The following NKAIN3 variants were observed in gnomAD, a reference collection of about 807,000 sequenced individuals.
NKAIN3 encodes the protein sodium/potassium transporting ATPase interacting 3, also known as sodium/potassium-transporting ATPase subunit beta-1-interacting protein 3.
Under a neutral mutation model 30.2 loss-of-function variants are expected in NKAIN3, and 25 were observed. That is an observed-to-expected ratio of 0.83 (90% CI 0.60 to 1.16). NKAIN3 has a LOEUF of 1.16. NKAIN3 is among the 50% of genes most tolerant of loss of function. The pLI, the probability that NKAIN3 is intolerant of heterozygous loss-of-function variation, is 0.00. For missense variants in NKAIN3, 225 were observed against 254.1 expected (o/e 0.89, Z 0.78); for synonymous variants, 91 against 89.6 (o/e 1.02, Z -0.09).
At chr8:62,283,274 G>A (rs958548790) in intron 1 of NKAIN3, among the ~76,000 whole-genome samples, 8 of 96,416 alleles carry the variant, frequency 8.3e-5, no homozygotes, top group African/African-American at 3.6e-4. Context: ...CTGCTCTTAC[G>A]TGGCTATTTT....
chr8:62,632,283 T>C (rs796304318), intron 3 of NKAIN3, among the ~76,000 whole-genome samples: 57 of 152,318 alleles, frequency 3.7e-4, no homozygotes, highest in African/African-American at 1.2e-3. Flanking sequence ...ATGAAATTTT[T>C]GTGTCTTCAA....
intron 4 of NKAIN3, among the ~76,000 whole-genome samples, chr8:62,768,648 T>C (rs759273625): frequency 2.0e-5 from 3 of 152,204 alleles, no homozygotes; most frequent in Non-Finnish European, 4.4e-5. Flanking sequence ...GAGTTCATTT[T>C]CAGCAGACAA....
chr8:62,454,253 G>T (rs1311955055), intron 1 of NKAIN3, among the ~76,000 whole-genome samples: 1 of 127,492 alleles, frequency 7.8e-6, no homozygotes, highest in Non-Finnish European at 1.6e-5. Context: ...GAGAAGAATT[G>T]TCTTGGGCCA....
chr8:62,720,221 TA>T (rs1182538218), intron 3 of NKAIN3, among the ~76,000 whole-genome samples: 1 of 152,204 alleles, frequency 6.6e-6, no homozygotes, highest in Non-Finnish European at 1.5e-5. Context: ...AATAATTACA[TA>T]AATAGTCCAG....
intron 4 of NKAIN3, among the ~76,000 whole-genome samples, chr8:62,799,320 T>C (rs1051705796): frequency 1.3e-5 from 2 of 152,026 alleles, no homozygotes; most frequent in African/African-American, 2.4e-5. Flanking sequence ...ATATCTACAG[T>C]GTACAAAGAA....
intron 1 of NKAIN3, among the ~76,000 whole-genome samples, chr8:62,357,730 C>A (rs13256960): frequency 0.075 from 11,376 of 152,168 alleles, 519 homozygotes; most frequent in Middle Eastern, 0.13. Context: ...CCTTTGACCT[C>A]TCCTGAGCCC....
intron 2 of NKAIN3, among the ~76,000 whole-genome samples, chr8:62,581,784 C>T (rs1810301066): frequency 7.4e-6 from 1 of 134,862 alleles, no homozygotes; most frequent in African/African-American, 2.8e-5. Context: ...TCCCTCCCTC[C>T]CTTTCTCCCA....
At chr8:62,448,232 G>A (rs575167399) in intron 1 of NKAIN3, among the ~76,000 whole-genome samples, 23 of 151,720 alleles carry the variant, frequency 1.5e-4, no homozygotes, top group Admixed American at 2.0e-4. Flanking sequence ...TAGTGTTTCC[G>A]CAGAGGAACA....
At chr8:62,851,040 C>G (rs1241579038) in intron 4 of NKAIN3, among the ~76,000 whole-genome samples, 2 of 151,908 alleles carry the variant, frequency 1.3e-5, no homozygotes, top group African/African-American at 2.4e-5. Context: ...TCTAAATTAC[C>G]TTGGGCAGTA....
At chr8:62,861,065 C>T (rs749007066) in intron 4 of NKAIN3, among the ~76,000 whole-genome samples, 1 of 152,198 alleles carries the variant, frequency 6.6e-6, no homozygotes, top group Non-Finnish European at 1.5e-5. Context: ...TGTAGAATTC[C>T]CAGTCCTCTT....
chr8:62,454,300 G>GAAAAAAAAAAAAAAAAAAAAAA (rs1214536143), intron 1 of NKAIN3, among the ~76,000 whole-genome samples: 2 of 23,770 alleles, frequency 8.4e-5, no homozygotes, highest in Non-Finnish European at 1.9e-4. Flanking sequence ...TAGCTGATGT[G>GAAAAAAAAAAAAAAAAAAAAAA]CAAAAAAAAA....
chr8:62,702,598 GT>G (rs1814375037), intron 3 of NKAIN3, among the ~76,000 whole-genome samples: 2 of 152,070 alleles, frequency 1.3e-5, no homozygotes, highest in Admixed American at 1.3e-4. Context: ...CGTTTATGTG[GT>G]TTTCTAGATG....
At chr8:62,883,624 T>C (rs933526918) in intron 4 of NKAIN3, among the ~76,000 whole-genome samples, 16 of 151,982 alleles carry the variant, frequency 1.1e-4, no homozygotes, top group Non-Finnish European at 1.6e-4. Flanking sequence ...GGAATATCCT[T>C]GCCTTGTTCT....
At chr8:62,867,012 G>A (rs1820442091) in intron 4 of NKAIN3, among the ~76,000 whole-genome samples, 1 of 147,060 alleles carries the variant, frequency 6.8e-6, no homozygotes. Context: ...CCGAGATTGC[G>A]CCACTGCACT....
chr8:62,779,856 A>T (rs1387675138), intron 4 of NKAIN3, among the ~76,000 whole-genome samples: 1 of 152,176 alleles, frequency 6.6e-6, no homozygotes, highest in African/African-American at 2.4e-5. Flanking sequence ...AGAAAATCTT[A>T]GAAAAAATTC....
intron 1 of NKAIN3, among the ~76,000 whole-genome samples, chr8:62,500,038 C>G (rs1013077591): frequency 6.6e-6 from 1 of 152,112 alleles, no homozygotes; most frequent in Non-Finnish European, 1.5e-5. Context: ...CAGTGAACCT[C>G]TTCACTGAAA....
chr8:62,635,444 G>A (rs931243565), intron 3 of NKAIN3, among the ~76,000 whole-genome samples: 6 of 152,130 alleles, frequency 3.9e-5, no homozygotes, highest in South Asian at 2.1e-4. Context: ...TGGTGACCTC[G>A]GGAACTTCCT....
intron 4 of NKAIN3, among the ~76,000 whole-genome samples, chr8:62,844,887 C>A (rs1029632347): frequency 6.6e-6 from 1 of 152,002 alleles, no homozygotes; most frequent in African/African-American, 2.4e-5. Context: ...GCATCACCAA[C>A]ACGAATCATA....
chr8:62,380,216 T>C (rs1817229672), intron 1 of NKAIN3, among the ~76,000 whole-genome samples: 1 of 152,220 alleles, frequency 6.6e-6, no homozygotes, highest in African/African-American at 2.4e-5. Context: ...ATCCCTGTTA[T>C]GAGAAGAGTT....
Sources: gnomAD v4.1 joint callset for allele counts (sites outside exome capture counted in the v4.1 genomes callset) on GRCh38, gnomAD v4.1.1 for gene constraint, MANE v1.5 for transcripts, NCBI Gene and HGNC (gene_info 2026-07-23, HGNC 2026-07-21) for gene names.